The following ALOX5 variants were observed in gnomAD, a reference collection of about 807,000 sequenced individuals.
The protein encoded by ALOX5 is polyunsaturated fatty acid 5-lipoxygenase.
Under a neutral mutation model 87.9 loss-of-function variants are expected in ALOX5, and 64 were observed. That is an observed-to-expected ratio of 0.73 (90% CI 0.60 to 0.90). ALOX5 has a LOEUF of 0.90. Ranked by LOEUF, ALOX5 falls within the 40% of genes least tolerant of loss-of-function variation. ALOX5 has a pLI of 0.00. For missense variants in ALOX5, 822 were observed against 907.5 expected (o/e 0.91, Z 1.21); for synonymous variants, 388 against 355.1 (o/e 1.09, Z -1.04).
intron 2 of ALOX5, among the ~76,000 whole-genome samples, chr10:45,392,420 G>A (rs549841348): frequency 6.6e-6 from 1 of 151,562 alleles, no homozygotes; most frequent in South Asian, 2.1e-4. Flanking sequence ...CCAACCCTGT[G>A]CTCTCTGAAA....
chr10:45,393,199 C>T (rs1216354170), intron 2 of ALOX5, among the ~76,000 whole-genome samples: 2 of 152,146 alleles, frequency 1.3e-5, no homozygotes, highest in Admixed American at 6.5e-5. Context: ...ATGCAAAAAT[C>T]CTCAATAAAA....
rs78334475 is a variant in ALOX5 at position 45,402,910 on chromosome 10, C to G, written c.431+6974C>G. ...AAAGGTGTTCAACTTCATTAGGACT[C>G]GGGGAAATCAGAAGATCACAGTGAA... is the stretch of plus-strand genomic sequence containing the variant. On this transcript the variant is annotated intron_variant, in intron 3 of 13. Transcript: ENST00000374391. Among the ~76,000 whole-genome samples, 1,425 of 152,226 alleles carry G rather than the reference C, an allele frequency of 9.4e-3. 76 individuals are homozygous for G. In the East Asian group the frequency reaches 0.14, roughly 15 times the overall value.
chr10:45,408,351 G>T (rs185496003), intron 3 of ALOX5, among the ~76,000 whole-genome samples: 116 of 152,296 alleles, frequency 7.6e-4, no homozygotes, highest in African/African-American at 2.5e-3. Flanking sequence ...CAGTGGTTTG[G>T]TTTTGGAAAG....
intron 4 of ALOX5, among the ~76,000 whole-genome samples, chr10:45,420,878 T>G (rs528226268): frequency 2.0e-5 from 3 of 152,186 alleles, no homozygotes; most frequent in African/African-American, 7.2e-5. Context: ...TCCTTCCCAG[T>G]GAGGCGGGAC....
At chr10:45,380,077 A>G (rs565355215) in intron 1 of ALOX5, among the ~76,000 whole-genome samples, 2 of 152,310 alleles carry the variant, frequency 1.3e-5, no homozygotes, top group Admixed American at 1.3e-4. Context: ...CGAGCCCCTG[A>G]GATGCTGAGA....
intron 4 of ALOX5, among the ~76,000 whole-genome samples, chr10:45,414,616 C>T (rs1480515880): frequency 1.3e-5 from 2 of 152,136 alleles, no homozygotes; most frequent in Non-Finnish European, 2.9e-5. Flanking sequence ...AGAGCTTCTG[C>T]ACAGCAAAAG....
At chr10:45,441,628 C>CG (rs1842238692) in intron 9 of ALOX5, 198 bp downstream of exon 9, 1 of 532,560 alleles carries the variant, frequency 1.9e-6, no homozygotes, top group Non-Finnish European at 3.3e-6. Flanking sequence ...GGCGCACCAC[C>CG]AGGTCTTCCT....
At position 45,443,404 on chromosome 10, in the gene ALOX5, C is replaced by T. The variant is rs1325707581; in HGVS notation, c.1452-12C>T. 5.0e-6 allele frequency: 8 copies of T among 1,599,116 alleles called. No homozygotes were observed. In the South Asian group the frequency reaches 6.7e-5, roughly 13 times the overall value. On this transcript the variant is annotated splice_polypyrimidine_tract_variant and intron_variant, in intron 10 of 13. Coordinates refer to ENST00000374391, the MANE Select transcript of ALOX5 (RefSeq NM_000698.5). ...GCTGGGTCGCCCACCCCGGCTGCGC[C>T]CCCTGAGCCAGGTTCACGGCCGAGG...
rs181327133 is a variant in ALOX5, at chr10:45,388,202, C to G, written c.349+5521C>G. Among the ~76,000 whole-genome samples the G allele has an allele frequency of 3.9e-3, 599 of 152,366 alleles. 2 individuals carry two copies. Among genetic ancestry groups the G allele is most frequent in the Non-Finnish European group, 6.6e-3 (452 of 68,036 alleles). ...CTTGCTCATTGCCAGCAAGCTCGAACTGGGTGGAGCCCATCGCAGCTCAGG... is the reference window on the plus strand; with the variant it reads ...CTTGCTCATTGCCAGCAAGCTCGAAGTGGGTGGAGCCCATCGCAGCTCAGG... On this transcript the variant is annotated intron_variant, in intron 2 of 13. Transcript: ENST00000374391.
At chr10:45,393,669 T>C (rs957717254) in intron 2 of ALOX5, among the ~76,000 whole-genome samples, 1 of 152,264 alleles carries the variant, frequency 6.6e-6, no homozygotes, top group Admixed American at 6.5e-5. Context: ...AAATTGTCCC[T>C]GTTTCCAGAT....
intron 4 of ALOX5, among the ~76,000 whole-genome samples, chr10:45,419,355 G>A (rs1841419068): frequency 6.6e-6 from 1 of 152,216 alleles, no homozygotes; most frequent in Non-Finnish European, 1.5e-5. Context: ...CTGGGGCGAA[G>A]ATGAGTCCAG....
intron 1 of ALOX5, among the ~76,000 whole-genome samples, chr10:45,381,427 G>A (rs978675020): frequency 6.6e-6 from 1 of 152,266 alleles, no homozygotes; most frequent in Non-Finnish European, 1.5e-5. Flanking sequence ...TGGCTATGAT[G>A]GAAAGACCTG....
chr10:45,387,856 C>T (rs1840059602), intron 2 of ALOX5, among the ~76,000 whole-genome samples: 1 of 152,252 alleles, frequency 6.6e-6, no homozygotes, highest in African/African-American at 2.4e-5. Flanking sequence ...CAGCTCCAGT[C>T]TACAGCTCCC....
chr10:45,424,235 C>T (rs2132805250), intron 5 of ALOX5, 88 bp downstream of exon 5: 1 of 1,160,260 alleles, frequency 8.6e-7, no homozygotes, highest in African/African-American at 1.5e-5. Context: ...TGACAAGGGC[C>T]TTCCTGCCTG....
intron 5 of ALOX5, 73 bp from the exon 6 acceptor site, chr10:45,424,887 G>A: frequency 6.4e-7 from 1 of 1,563,366 alleles, no homozygotes; most frequent in Non-Finnish European, 8.7e-7. Context: ...GCTCTTAGGT[G>A]AGGTCAGGAG....
In ALOX5 at chr10:45,441,418, C is replaced by T. The variant is rs776258949; in HGVS notation, c.1260C>T (p.Gly420=). 1.2e-5 allele frequency: 19 copies of T among 1,613,420 alleles called. No homozygotes were observed. Among genetic ancestry groups the T allele is most frequent in the Non-Finnish European group, 1.4e-5 (17 of 1,179,484 alleles). The change falls in exon 9 of 14, where the codon GGC becomes GGT. Residue 420 remains glycine, a synonymous_variant. Transcript: ENST00000374391. ...GTGAGCAGCTCATCTGCGAGTGTGG[C>T]CTCTTTGACAAGGTGGGTGCCCTCC... ...KAREQLICEC[G]LFDKANATGG...
At chr10:45,375,817 T>G (rs1839584874) in intron 1 of ALOX5, among the ~76,000 whole-genome samples, 1 of 152,244 alleles carries the variant, frequency 6.6e-6, no homozygotes, top group African/African-American at 2.4e-5. Context: ...CAACCTTCAG[T>G]TGCTTAGTTG....
At chr10:45,398,546 C>T (rs1266897633) in intron 3 of ALOX5, among the ~76,000 whole-genome samples, 1 of 152,014 alleles carries the variant, frequency 6.6e-6, no homozygotes, top group East Asian at 1.9e-4. Flanking sequence ...TCAAAGGACA[C>T]CATCAAGAAA....
At chr10:45,424,818 G>T (rs901844916) in intron 5 of ALOX5, 142 bp from the exon 6 acceptor site, 8 of 953,224 alleles carry the variant, frequency 8.4e-6, no homozygotes, top group Non-Finnish European at 1.3e-5. Flanking sequence ...GCAGGGGGCA[G>T]CAGTTGGAGC....
Sources: allele counts gnomAD v4.1 joint callset (sites outside exome capture counted in the v4.1 genomes callset), GRCh38; gene constraint gnomAD v4.1.1; transcripts MANE v1.5; gene names NCBI Gene and HGNC (gene_info 2026-07-23, HGNC 2026-07-21).